UBAC2: variants seen among roughly 807,000 people sequenced by gnomAD.
UBAC2 encodes UBA domain containing 2.
Under a neutral mutation model 44.0 loss-of-function variants are expected in UBAC2, and 26 were observed. The ratio of observed to expected loss-of-function variants is 0.59; its 90% CI spans 0.43 to 0.82. UBAC2 has a LOEUF of 0.82. Ranked by LOEUF, UBAC2 falls within the 40% of genes least tolerant of loss-of-function variation. UBAC2 has a pLI of 0.00. For missense variants in UBAC2, 329 were observed against 419.4 expected, an observed-to-expected ratio of 0.78 and a Z score of 1.88; for synonymous variants, 155 against 154.3, an observed-to-expected ratio of 1.00 and a Z score of -0.04.
intron 8 of UBAC2, among the ~76,000 whole-genome samples, chr13:99,370,324 A>G (rs1156572755): frequency 1.3e-5 from 2 of 152,222 alleles, no homozygotes; most frequent in Non-Finnish European, 2.9e-5. Context: ...GCTATGGCCA[A>G]ATAACAATTG....
intron 6 of UBAC2, among the ~76,000 whole-genome samples, chr13:99,322,759 G>A (rs1254552957): frequency 2.0e-5 from 3 of 152,220 alleles, no homozygotes; most frequent in African/African-American, 7.2e-5. Flanking sequence ...GTAAGGAGTG[G>A]GGATCTTTAA....
chr13:99,298,225 C>T (rs1425465106), intron 4 of UBAC2, among the ~76,000 whole-genome samples: 1 of 152,102 alleles, frequency 6.6e-6, no homozygotes, highest in Admixed American at 6.6e-5. Context: ...ACTGAAGACA[C>T]ATGAGCATAT....
chr13:99,234,167 GTTTCTTTT>G (rs1566459344), intron 1 of UBAC2, among the ~76,000 whole-genome samples: 4 of 116,964 alleles, frequency 3.4e-5, no homozygotes, highest in Non-Finnish European at 7.1e-5. Context: ...TGTGCTAGCC[GTTTCTTTT>G]TTTTTTTTTT....
At chr13:99,341,586 A>G (rs968990998) in intron 7 of UBAC2, among the ~76,000 whole-genome samples, 2 of 152,158 alleles carry the variant, frequency 1.3e-5, no homozygotes, top group Admixed American at 6.5e-5. Context: ...TGTCTTGGAA[A>G]TGTGGAAGCT....
At chr13:99,226,639 C>T (rs972090218) in intron 1 of UBAC2, among the ~76,000 whole-genome samples, 4 of 152,214 alleles carry the variant, frequency 2.6e-5, no homozygotes, top group African/African-American at 9.7e-5. Flanking sequence ...CTCATAATGG[C>T]CTGTAGGGCT....
intron 6 of UBAC2, among the ~76,000 whole-genome samples, chr13:99,324,483 C>T (rs2044611256): frequency 6.6e-6 from 1 of 152,162 alleles, no homozygotes; most frequent in African/African-American, 2.4e-5. Context: ...CAGGGCTGTA[C>T]CAACATGTAG....
intron 1 of UBAC2, chr13:99,201,687 C>T (rs1362621381): frequency 1.3e-5 from 15 of 1,133,518 alleles, no homozygotes; most frequent in Non-Finnish European, 1.9e-5. Flanking sequence ...CAACGGAGAA[C>T]AGCTCTAATT....
chr13:99,364,607 A>G (rs1350842255), intron 7 of UBAC2, among the ~76,000 whole-genome samples: 3 of 152,094 alleles, frequency 2.0e-5, no homozygotes, highest in Non-Finnish European at 4.4e-5. Flanking sequence ...GATTTCATAC[A>G]CTTCACCTGT....
chr13:99,301,436 CAT>C (rs1224315338), intron 4 of UBAC2, among the ~76,000 whole-genome samples: 17 of 152,370 alleles, frequency 1.1e-4, no homozygotes, highest in South Asian at 2.1e-4. Flanking sequence ...GTTATCCTAA[CAT>C]GTGTAAAACA....
intron 8 of UBAC2, 121 bp from the exon 9 acceptor site, chr13:99,385,107 A>C: frequency 1.4e-6 from 1 of 696,028 alleles, no homozygotes; most frequent in Non-Finnish European, 2.5e-6. Flanking sequence ...TTGAAATGAA[A>C]ATTGGTTTTT....
intron 7 of UBAC2, chr13:99,356,116 C>T (rs765726940): frequency 3.0e-5 from 16 of 526,920 alleles, no homozygotes; most frequent in Middle Eastern, 3.2e-4. Context: ...ACTTGGGACA[C>T]ATGTCTGTCA....
intron 7 of UBAC2, among the ~76,000 whole-genome samples, chr13:99,341,272 G>A (rs1014666662): frequency 3.9e-5 from 6 of 152,122 alleles, no homozygotes; most frequent in Admixed American, 1.3e-4. Context: ...GTTGTAAACC[G>A]TACAGTTACC....
chr13:99,201,553 A>G (rs1268393370), intron 1 of UBAC2: 14 of 1,614,066 alleles, frequency 8.7e-6, no homozygotes, highest in Non-Finnish European at 1.2e-5. Context: ...CTGGCGTGTT[A>G]GCGGTGGTCA....
rs368166968 is a variant in UBAC2 at position 99,226,840 on chromosome 13, A to G, written c.32-11587A>G. On this transcript the variant is annotated intron_variant, in intron 1 of 8. Transcript: ENST00000403766. ...CTTCCCTCAGATATCTGCAAGGCCT[A>G]CATCTTCAGGTCTCTGCTCAAATCC... Among the ~76,000 whole-genome samples, 213 of 152,250 alleles carry G rather than the reference A, an allele frequency of 1.4e-3. 2 individuals are homozygous for G. The highest frequency in any genetic ancestry group is 5.0e-3 in the African/African-American group (207 of 41,546).
At chr13:99,367,114 C>T (rs186303772) in intron 7 of UBAC2, among the ~76,000 whole-genome samples, 1 of 152,300 alleles carries the variant, frequency 6.6e-6, no homozygotes, top group East Asian at 1.9e-4. Flanking sequence ...GTGACATAGA[C>T]TAAGCCAGGA....
chr13:99,380,238 T>A (rs544969389), intron 8 of UBAC2, among the ~76,000 whole-genome samples: 1 of 152,300 alleles, frequency 6.6e-6, no homozygotes, highest in South Asian at 2.1e-4. Context: ...GCTTAACGTG[T>A]GTTTTGCTTA....
intron 4 of UBAC2, among the ~76,000 whole-genome samples, chr13:99,272,956 A>G (rs1455896452): frequency 2.2e-5 from 3 of 137,822 alleles, no homozygotes; most frequent in Admixed American, 7.2e-5. Context: ...ATTTTTAGCC[A>G]TTTTGTTTTT....
chr13:99,282,075 C>G (rs2043961056), intron 4 of UBAC2, among the ~76,000 whole-genome samples: 1 of 152,164 alleles, frequency 6.6e-6, no homozygotes, highest in African/African-American at 2.4e-5. Context: ...TTGCATAACC[C>G]TTTGCGGTGG....
chr13:99,316,251 G>A (rs1490841655), intron 5 of UBAC2, among the ~76,000 whole-genome samples: 1 of 151,904 alleles, frequency 6.6e-6, no homozygotes, highest in Non-Finnish European at 1.5e-5. Flanking sequence ...TTGACTGTCT[G>A]GTGTCAACTC....
Sources: gnomAD v4.1 joint callset for allele counts (sites outside exome capture counted in the v4.1 genomes callset) on GRCh38, gnomAD v4.1.1 for gene constraint, MANE v1.5 for transcripts, NCBI Gene and HGNC (gene_info 2026-07-23, HGNC 2026-07-21) for gene names.